ADAMTSL1: variants seen among roughly 807,000 people sequenced by gnomAD.
ADAMTSL1 encodes ADAMTS-like protein 1.
Under a neutral mutation model 201.8 loss-of-function variants are expected in ADAMTSL1, and 126 were observed. The ratio of observed to expected loss-of-function variants is 0.62; its 90% confidence interval spans 0.54 to 0.72. ADAMTSL1 has a LOEUF of 0.72. Among genes scored for constraint, ADAMTSL1 ranks in the 30% least tolerant of loss-of-function variants. ADAMTSL1 has a pLI of 0.00. For missense variants in ADAMTSL1, 2,679 were observed against 2,277.8 expected (o/e 1.18, Z -3.59); for synonymous variants, 1,121 against 903.4 (o/e 1.24, Z -4.32).
chr9:18,465,671 T>C (rs1163550502), intron 2 of ADAMTSL1, among the ~76,000 whole-genome samples: 1 of 152,212 alleles, frequency 6.6e-6, no homozygotes, highest in Non-Finnish European at 1.5e-5. Context: ...TGGGTGGCCA[T>C]GTATGTTTGT....
At chr9:18,828,959 G>C (rs1462809085) in intron 22 of ADAMTSL1, among the ~76,000 whole-genome samples, 2 of 151,906 alleles carry the variant, frequency 1.3e-5, no homozygotes, top group Admixed American at 6.5e-5. Flanking sequence ...CTGGGCTGCT[G>C]CTTCCATTCC....
At chr9:18,173,869 G>T (rs941337849) in intron 2 of ADAMTSL1, among the ~76,000 whole-genome samples, 3 of 152,076 alleles carry the variant, frequency 2.0e-5, no homozygotes, top group African/African-American at 7.2e-5. Context: ...GTCAATAATG[G>T]TGAAATTTCG....
intron 1 of ADAMTSL1, among the ~76,000 whole-genome samples, chr9:18,084,586 AATGTTTAATTCATAGTCACCTCTG>A (rs1411549418): frequency 6.6e-6 from 1 of 152,008 alleles, no homozygotes; most frequent in Non-Finnish European, 1.5e-5. Context: ...GCTTTTCATT[AATGTTTAATTCATAGTCACCTCTG>A]ATGCTATGAA....
At chr9:18,059,555 GATT>G (rs1822356612) in intron 1 of ADAMTSL1, among the ~76,000 whole-genome samples, 4 of 152,182 alleles carry the variant, frequency 2.6e-5, no homozygotes, top group Middle Eastern at 3.4e-3. Flanking sequence ...GGGGATAATG[GATT>G]TTTTCTCACA....
chr9:18,871,892 C>T (rs1031013652), intron 23 of ADAMTSL1, among the ~76,000 whole-genome samples: 2 of 152,182 alleles, frequency 1.3e-5, no homozygotes, highest in African/African-American at 4.8e-5. Flanking sequence ...GATAATACCA[C>T]TTCCCGTCTT....
chr9:18,817,063 C>T, intron 20 of ADAMTSL1, 46 bp from the exon 21 acceptor site: 1 of 1,597,074 alleles, frequency 6.3e-7, no homozygotes, highest in Non-Finnish European at 8.5e-7. Flanking sequence ...GCCCCAATTT[C>T]CACAGTCACC....
At chr9:18,195,170 A>G (rs957615969) in intron 2 of ADAMTSL1, among the ~76,000 whole-genome samples, 7 of 152,148 alleles carry the variant, frequency 4.6e-5, no homozygotes, top group Non-Finnish European at 7.4e-5. Context: ...CACAGCCACC[A>G]GTGTCCATCA....
At chr9:18,297,442 A>G (rs1345469453) in intron 2 of ADAMTSL1, among the ~76,000 whole-genome samples, 5 of 151,024 alleles carry the variant, frequency 3.3e-5, no homozygotes, top group African/African-American at 1.2e-4. Context: ...GTTCTTCAGT[A>G]TTTGTGTTTT....
intron 2 of ADAMTSL1, among the ~76,000 whole-genome samples, chr9:18,442,888 AAC>A (rs565740320): frequency 1.3e-4 from 20 of 152,288 alleles, no homozygotes; most frequent in Admixed American, 7.2e-4. Context: ...ATAGGATTTA[AAC>A]TTCTCAGCCT....
intron 1 of ADAMTSL1, among the ~76,000 whole-genome samples, chr9:18,009,812 T>C (rs1819977633): frequency 6.6e-6 from 1 of 152,120 alleles, no homozygotes; most frequent in Middle Eastern, 3.4e-3. Context: ...CCAAAGGAAA[T>C]AGTCACGAAG....
chr9:17,973,428 T>G (rs961489012), intron 1 of ADAMTSL1, among the ~76,000 whole-genome samples: 13 of 128,284 alleles, frequency 1.0e-4, no homozygotes, highest in African/African-American at 3.3e-4. Context: ...GGGAATCCTT[T>G]CCCCATTTCT....
At chr9:18,599,729 C>T (rs1315975508) in intron 4 of ADAMTSL1, among the ~76,000 whole-genome samples, 4 of 151,714 alleles carry the variant, frequency 2.6e-5, no homozygotes, top group Non-Finnish European at 1.5e-5. Flanking sequence ...CTGCACCCAT[C>T]ATGGGCTTCT....
At chr9:18,817,274 G>A in intron 21 of ADAMTSL1, 37 bp downstream of exon 21, 1 of 1,544,678 alleles carries the variant, frequency 6.5e-7, no homozygotes, top group Non-Finnish European at 8.8e-7. Context: ...CACGTTAATG[G>A]AGCCCTGTGC....
intron 20 of ADAMTSL1, among the ~76,000 whole-genome samples, chr9:18,815,711 C>CAAAAAAAAAAA (rs35926602): frequency 5.9e-5 from 4 of 67,932 alleles, no homozygotes; most frequent in Non-Finnish European, 1.1e-4. Flanking sequence ...AACCCTGTCT[C>CAAAAAAAAAAA]AAAAAAAAAA....
In ADAMTSL1 at chr9:17,910,530, G is replaced by T. The variant is rs923220015; in HGVS notation, c.87+3608G>T. 2.2e-4 allele frequency among the ~76,000 whole-genome samples: 15 copies of T among 68,960 alleles called. 4 individuals carry two copies. The highest frequency in any genetic ancestry group is 3.8e-4 in the African/African-American group (13 of 34,096). 45.2% of individuals were successfully genotyped at this position (68,960 alleles called of 152,430 possible). On this transcript the variant is annotated intron_variant, in intron 1 of 29. Coordinates refer to the ADAMTSL1 transcript ENST00000680146. ...CTTCTGGATAAGGATGATGACAGCA[G>T]ATTTGGGTCTTGTGTGTGTGTTGCA...
chr9:18,499,571 G>T (rs1187222484), intron 1 of ADAMTSL1, among the ~76,000 whole-genome samples: 2 of 152,206 alleles, frequency 1.3e-5, no homozygotes, highest in African/African-American at 4.8e-5. Context: ...AGGAAAAATG[G>T]TTCTCTCATC....
At chr9:18,830,120 C>T (rs1488367835) in intron 23 of ADAMTSL1, 143 bp downstream of exon 23, 2 of 1,177,974 alleles carry the variant, frequency 1.7e-6, no homozygotes, top group African/African-American at 1.5e-5. Flanking sequence ...AATCCAGACT[C>T]ACCAGTGGAA....
At chr9:18,828,697 A>ATATATATATATGATG (rs1824776656) in intron 22 of ADAMTSL1, among the ~76,000 whole-genome samples, 1 of 42,510 alleles carries the variant, frequency 2.4e-5, no homozygotes, top group South Asian at 8.0e-4. Flanking sequence ...TATATATAAA[A>ATATATATATATGATG]TGTGTGTGTG....
intron 2 of ADAMTSL1, among the ~76,000 whole-genome samples, chr9:18,377,097 A>G (rs1042468816): frequency 6.6e-6 from 1 of 152,202 alleles, no homozygotes; most frequent in African/African-American, 2.4e-5. Flanking sequence ...GACTTTATGA[A>G]TATAGACTGA....
Sources: allele counts gnomAD v4.1 joint callset (sites outside exome capture counted in the v4.1 genomes callset), GRCh38; gene constraint gnomAD v4.1.1; transcripts MANE v1.5; gene names NCBI Gene and HGNC (gene_info 2026-07-23, HGNC 2026-07-21).